Variants in UBR1 observed in about 807,000 individuals in gnomAD.
UBR1 encodes ubiquitin protein ligase E3 component n-recognin 1.
In UBR1, 102 loss-of-function variants were observed where a neutral mutation model predicts 242.1. The observed-to-expected ratio is 0.42, with a 90% CI of 0.36 to 0.50. The LOEUF is 0.50. UBR1 is among the 20% of genes least tolerant of loss of function. The pLI is 0.01. For missense variants in UBR1, 1,772 were observed against 2,101.8 expected, an observed-to-expected ratio of 0.84 and a Z score of 3.07; for synonymous variants, 675 against 684.8, an observed-to-expected ratio of 0.99 and a Z score of 0.22.
chr15:43,095,221 T>A (rs1351717452), intron 1 of UBR1, among the ~76,000 whole-genome samples: 1 of 152,252 alleles, frequency 6.6e-6, no homozygotes, highest in Admixed American at 6.5e-5. Flanking sequence ...TAAAGTCATT[T>A]CTGGCTTACC....
At chr15:42,953,232 G>T (rs1168613976) in intron 44 of UBR1, among the ~76,000 whole-genome samples, 14 of 152,072 alleles carry the variant, frequency 9.2e-5, no homozygotes, top group Admixed American at 8.5e-4. Flanking sequence ...CCACCAAGGG[G>T]GATAATGGTT....
chr15:43,104,728 A>G (rs12913134), intron 1 of UBR1, among the ~76,000 whole-genome samples: 84,920 of 151,890 alleles, frequency 0.56, 27,505 homozygotes, highest in Non-Finnish European at 0.71. Context: ...AACCTTCAAG[A>G]ATGCTTTTAA....
At chr15:42,987,530 A>G (rs1005197739) in intron 35 of UBR1, among the ~76,000 whole-genome samples, 1 of 152,118 alleles carries the variant, frequency 6.6e-6, no homozygotes, top group Admixed American at 6.5e-5. Flanking sequence ...CCTGGCCAAC[A>G]TGGTGAAACC....
intron 10 of UBR1, 63 bp from the exon 11 acceptor site, chr15:43,056,505 T>C (rs1287724156): frequency 9.3e-7 from 1 of 1,070,654 alleles, no homozygotes; most frequent in East Asian, 2.4e-5. Context: ...AAAATCCCAA[T>C]TTTAATAACT....
chr15:42,964,464 C>T (rs753203599), intron 41 of UBR1, among the ~76,000 whole-genome samples: 6 of 151,162 alleles, frequency 4.0e-5, no homozygotes, highest in African/African-American at 9.7e-5. Context: ...AGCGAAACTC[C>T]GTCTCAAAAA....
chr15:43,072,219 G>A (rs1462246766), intron 4 of UBR1, among the ~76,000 whole-genome samples: 1 of 152,076 alleles, frequency 6.6e-6, no homozygotes. Flanking sequence ...ATCAATCAAT[G>A]TAATACACCA....
At chr15:42,965,464 CTT>C (rs72143292) in intron 41 of UBR1, among the ~76,000 whole-genome samples, 16 of 136,182 alleles carry the variant, frequency 1.2e-4, no homozygotes, top group Middle Eastern at 3.8e-3. Context: ...GTCATATGTA[CTT>C]TTTTTTTTTT....
At position 42,960,808 on chromosome 15, in the gene UBR1, GC is replaced by G. The variant is rs1596075978; in HGVS notation, c.4701-108del. 30 of 1,193,750 alleles carry G rather than the reference GC, an allele frequency of 2.5e-5. No homozygotes were observed. The East Asian group carries it at 7.6e-4, about 30-fold the overall frequency. The allele number at this position is 1,193,750 out of a possible 1,614,324, so 73.9% of individuals were successfully genotyped here. On this transcript the variant is annotated intron_variant, in intron 42 of 46. Coordinates refer to ENST00000290650, the MANE Select transcript of UBR1 (RefSeq NM_174916.3). ...TTTTGAGATGGATTCTCACTCTTTC[GC>G]CCAGGCTGGAGTACAGTGGCAGCAA...
chr15:42,954,579 T>C (rs1385225927), intron 44 of UBR1, among the ~76,000 whole-genome samples: 1 of 152,164 alleles, frequency 6.6e-6, no homozygotes, highest in Non-Finnish European at 1.5e-5. Context: ...AAATGATCTT[T>C]TATTTTTTGA....
rs971564991 is a variant in UBR1 at position 42,958,192 on chromosome 15, C to T, written c.4758-102G>A. On this transcript the variant is annotated intron_variant, in intron 43 of 46. Coordinates refer to ENST00000290650, the MANE Select transcript of UBR1 (RefSeq NM_174916.3). ...AATGTCTTAAAAATAACAAAAGGAT[C>T]TACACTTGCAATCCAAAGTAATTCC... is the stretch of plus-strand genomic sequence containing the variant. 43 of 799,170 alleles carry T rather than the reference C, an allele frequency of 5.4e-5. No homozygotes were observed. The African/African-American group carries it at 6.8e-4, about 13-fold the overall frequency. 49.5% of individuals were successfully genotyped at this position (799,170 alleles called of 1,614,324 possible). A position where few individuals can be genotyped will look rare whatever the true frequency, so the allele number is the denominator to read the frequency against.
chr15:43,015,901 G>C (rs1308290226), intron 28 of UBR1, 32 bp from the exon 29 acceptor site: 2 of 1,601,986 alleles, frequency 1.2e-6, no homozygotes, highest in Non-Finnish European at 1.7e-6. Flanking sequence ...ATTTAGGTAA[G>C]ATCCACTGTT....
chr15:42,983,665 C>CAATAATAATAATAATAAT (rs60519719), intron 37 of UBR1, among the ~76,000 whole-genome samples: 7 of 137,358 alleles, frequency 5.1e-5, no homozygotes, highest in East Asian at 4.2e-4. Flanking sequence ...AACTCCCACT[C>CAATAATAATAATAATAAT]AATAATAATA....
In UBR1 at chr15:43,059,184, T is replaced by C; in HGVS notation, c.994A>G (p.Arg332Gly). 1.9e-6 allele frequency: 3 copies of C among 1,613,868 alleles called. No homozygotes were observed. Among genetic ancestry groups the C allele is most frequent in the Non-Finnish European group, 2.5e-6 (3 of 1,179,818 alleles). ...AGGCATGCTTGGCAAAAGATCTGCCTAAAGTCACCTACAAACAAAAGAGGT... is the reference window on the plus strand; with the variant it reads ...AGGCATGCTTGGCAAAAGATCTGCCCAAAGTCACCTACAAACAAAAGAGGT... ...NKIMSYSSDFRQIFCQACLRE... is the reference protein window; with the variant it reads ...NKIMSYSSDFGQIFCQACLRE... The change falls in exon 9 of 47, where the codon AGG (arginine) becomes GGG (glycine). Residue 332 changes from arginine (R) to glycine (G), a missense_variant. Arg to Gly is a moderately radical substitution (Grantham distance 125). This residue lies in a region of UBR1 where 734 missense variants were observed against 893.3 expected (regional missense o/e 0.82). Transcript: ENST00000290650.
chr15:43,048,579 T>C, intron 12 of UBR1, 88 bp from the exon 13 acceptor site: 3 of 1,013,900 alleles, frequency 3.0e-6, no homozygotes, highest in Non-Finnish European at 4.4e-6. Context: ...TGTTGATTTA[T>C]AAAAATTATG....
At position 43,063,883 on chromosome 15, in the gene UBR1, T is replaced by C. The variant is rs960377039; in HGVS notation, c.799-3769A>G. 5.9e-5 allele frequency among the ~76,000 whole-genome samples: 9 copies of C among 152,174 alleles called. No individual in the cohort carries two copies. The South Asian group carries it at 1.7e-3, about 28-fold the overall frequency. ...TCCCAAGTAGCTGGGTTTACAGGCA[T>C]GCACCACCACGCCTGGCTAATTTTG... On this transcript the variant is annotated intron_variant, in intron 6 of 46. Transcript: ENST00000290650.
At chr15:43,005,247 G>A (rs1422771177) in intron 30 of UBR1, among the ~76,000 whole-genome samples, 1 of 152,046 alleles carries the variant, frequency 6.6e-6, no homozygotes, top group African/African-American at 2.4e-5. Context: ...GGAGGTGGGG[G>A]GGCAGCCTCT....
At chr15:42,963,587 T>C (rs1443882468) in intron 42 of UBR1, among the ~76,000 whole-genome samples, 1 of 152,106 alleles carries the variant, frequency 6.6e-6, no homozygotes, top group African/African-American at 2.4e-5. Context: ...ATGTGAGATA[T>C]GCTCCTATTT....
intron 10 of UBR1, among the ~76,000 whole-genome samples, chr15:43,057,701 T>C (rs1276921265): frequency 6.6e-6 from 1 of 152,200 alleles, no homozygotes; most frequent in Non-Finnish European, 1.5e-5. Flanking sequence ...TCTTTCCTGC[T>C]ATACTTTTCA....
chr15:43,101,653 A>T (rs982260027), intron 1 of UBR1, among the ~76,000 whole-genome samples: 1 of 152,012 alleles, frequency 6.6e-6, no homozygotes, highest in East Asian at 1.9e-4. Context: ...AATATGGTGA[A>T]ACCCCACCTC....
Sources: allele counts gnomAD v4.1 joint callset (sites outside exome capture counted in the v4.1 genomes callset), GRCh38; gene constraint gnomAD v4.1.1; regional missense constraint gnomAD v4.1.1; transcripts MANE v1.5; gene names NCBI Gene and HGNC (gene_info 2026-07-23, HGNC 2026-07-21).